Variants in NDST3 observed in about 807,000 individuals in gnomAD.
The protein encoded by NDST3 is bifunctional heparan sulfate N-deacetylase/N-sulfotransferase 3.
In NDST3, 58 loss-of-function variants were observed where a neutral mutation model predicts 96.1. That is an observed-to-expected ratio of 0.60 (90% confidence interval 0.49 to 0.75). NDST3 has a LOEUF of 0.75. Among genes scored for constraint, NDST3 ranks in the 30% least tolerant of loss-of-function variants. The pLI is 0.00. For missense variants in NDST3, 788 were observed against 1,034.2 expected, an observed-to-expected ratio of 0.76 and a Z score of 3.27; for synonymous variants, 333 against 359.7, an observed-to-expected ratio of 0.93 and a Z score of 0.84.
chr4:118,159,686 C>G (rs967544059), intron 6 of NDST3, among the ~76,000 whole-genome samples: 3 of 151,862 alleles, frequency 2.0e-5, no homozygotes, highest in African/African-American at 7.3e-5. Flanking sequence ...AATGGATGAA[C>G]AAAGTGAGAA....
At chr4:118,065,670 T>A (rs1726253836) in intron 2 of NDST3, among the ~76,000 whole-genome samples, 1 of 151,960 alleles carries the variant, frequency 6.6e-6, no homozygotes, top group African/African-American at 2.4e-5. Flanking sequence ...TCTATTTTGT[T>A]CTCTTTGATT....
intron 6 of NDST3, among the ~76,000 whole-genome samples, chr4:118,192,592 T>C (rs1421283787): frequency 6.6e-6 from 1 of 152,222 alleles, no homozygotes; most frequent in African/African-American, 2.4e-5. Context: ...GAGTTTACTG[T>C]AGGTGTATGA....
At chr4:118,090,972 T>C (rs766436526) in intron 2 of NDST3, among the ~76,000 whole-genome samples, 3 of 151,752 alleles carry the variant, frequency 2.0e-5, no homozygotes, top group Non-Finnish European at 4.4e-5. Flanking sequence ...TTTCGTTTTA[T>C]GCCTTAACTG....
At chr4:118,044,619 TTA>T (rs1724651691) in intron 1 of NDST3, among the ~76,000 whole-genome samples, 1 of 152,244 alleles carries the variant, frequency 6.6e-6, no homozygotes, top group Admixed American at 6.5e-5. Context: ...GAAAAATCTG[TTA>T]TGTTATCCCC....
chr4:118,098,285 C>T (rs1729503299), intron 2 of NDST3, among the ~76,000 whole-genome samples: 1 of 151,892 alleles, frequency 6.6e-6, no homozygotes, highest in South Asian at 2.1e-4. Flanking sequence ...AATATATAAA[C>T]ATCCCTTTTC....
intron 1 of NDST3, among the ~76,000 whole-genome samples, chr4:118,047,205 G>A (rs968480067): frequency 6.6e-6 from 1 of 152,226 alleles, no homozygotes; most frequent in Admixed American, 6.5e-5. Context: ...CACAAATAAA[G>A]GCCCTATAGA....
intron 6 of NDST3, among the ~76,000 whole-genome samples, chr4:118,162,595 C>T (rs1259515263): frequency 2.0e-5 from 3 of 150,746 alleles, no homozygotes; most frequent in African/African-American, 7.3e-5. Context: ...ATACAAAAAT[C>T]AATTCAAGAT....
intron 6 of NDST3, among the ~76,000 whole-genome samples, chr4:118,164,309 A>T (rs1735399848): frequency 6.6e-6 from 1 of 152,166 alleles, no homozygotes; most frequent in Admixed American, 6.5e-5. Flanking sequence ...ATGGACACAA[A>T]GAGGGGAACA....
intron 6 of NDST3, among the ~76,000 whole-genome samples, chr4:118,179,905 C>T (rs892439286): frequency 4.0e-5 from 6 of 151,898 alleles, no homozygotes; most frequent in Non-Finnish European, 7.4e-5. Context: ...ACTTTTAACC[C>T]CTGCCCTCAT....
chr4:118,111,534 G>A (rs1730633184), intron 3 of NDST3, among the ~76,000 whole-genome samples: 1 of 80,668 alleles, frequency 1.2e-5, no homozygotes, highest in African/African-American at 3.3e-5. Context: ...TTTTAATCAT[G>A]ATTTTTTTTT....
intron 6 of NDST3, among the ~76,000 whole-genome samples, chr4:118,181,909 C>G (rs772966022): frequency 2.0e-5 from 3 of 151,876 alleles, no homozygotes; most frequent in Non-Finnish European, 4.4e-5. Context: ...AATTTTAAAC[C>G]AAAGGTATAC....
At chr4:118,198,081 A>G (rs1163385223) in intron 6 of NDST3, among the ~76,000 whole-genome samples, 2 of 152,058 alleles carry the variant, frequency 1.3e-5, no homozygotes, top group Non-Finnish European at 2.9e-5. Flanking sequence ...TACAGGCGTG[A>G]GCCACCACAC....
At chr4:118,085,949 C>T (rs763464315) in intron 2 of NDST3, among the ~76,000 whole-genome samples, 1 of 152,148 alleles carries the variant, frequency 6.6e-6, no homozygotes, top group East Asian at 1.9e-4. Flanking sequence ...ATGGTCATGT[C>T]GTTACTTCGC....
At chr4:118,058,430 C>A (rs866513412) in intron 2 of NDST3, among the ~76,000 whole-genome samples, 654 of 117,646 alleles carry the variant, frequency 5.6e-3, no homozygotes, top group African/African-American at 0.012. Context: ...CACAAAAAGA[C>A]AAAAAAAAAA....
At chr4:118,180,275 G>A (rs1736526576) in intron 6 of NDST3, among the ~76,000 whole-genome samples, 1 of 152,082 alleles carries the variant, frequency 6.6e-6, no homozygotes, top group Non-Finnish European at 1.5e-5. Context: ...CTCTCTGGCA[G>A]TCCCCAGTGT....
At chr4:118,168,179 G>A (rs1226599767) in intron 6 of NDST3, among the ~76,000 whole-genome samples, 11 of 151,742 alleles carry the variant, frequency 7.2e-5, no homozygotes, top group Non-Finnish European at 1.5e-4. Flanking sequence ...CTAATAAGGA[G>A]TTAATATTCA....
At chr4:118,082,110 C>T (rs1728070544) in intron 2 of NDST3, among the ~76,000 whole-genome samples, 1 of 152,162 alleles carries the variant, frequency 6.6e-6, no homozygotes, top group Non-Finnish European at 1.5e-5. Flanking sequence ...CACAAAGTCT[C>T]TCTGGTACGT....
chr4:118,109,908 T>A (rs1451792116), intron 3 of NDST3, among the ~76,000 whole-genome samples: 1 of 152,174 alleles, frequency 6.6e-6, no homozygotes, highest in Non-Finnish European at 1.5e-5. Context: ...TTTTGAAGGG[T>A]ATGTGCATTT....
chr4:118,093,492 A>T (rs1173293887), intron 2 of NDST3, among the ~76,000 whole-genome samples: 1 of 151,908 alleles, frequency 6.6e-6, no homozygotes, highest in Non-Finnish European at 1.5e-5. Context: ...ACTATAATTC[A>T]GTGAAGCTTC....
Sources: gnomAD v4.1 joint callset for allele counts (sites outside exome capture counted in the v4.1 genomes callset) on GRCh38, gnomAD v4.1.1 for gene constraint, MANE v1.5 for transcripts, NCBI Gene and HGNC (gene_info 2026-07-23, HGNC 2026-07-21) for gene names.